SLC9A9: variants seen among roughly 807,000 people sequenced by gnomAD.
The protein encoded by SLC9A9 is sodium/hydrogen exchanger 9.
A neutral mutation model predicts 77.8 loss-of-function variants in SLC9A9; 62 were observed. The ratio of observed to expected loss-of-function variants is 0.80; its 90% CI spans 0.65 to 0.98. The LOEUF (loss-of-function observed/expected upper bound fraction) is 0.98, where lower values mean the gene tolerates loss of function less well. SLC9A9 is among the 50% of genes least tolerant of loss of function. The pLI is 0.00. For synonymous variants in SLC9A9, 320 were observed against 283.5 expected (o/e 1.13, Z -1.29); for missense variants, 775 against 774.9 (o/e 1.00, Z 0.00).
At chr3:143,389,166 G>T (rs2033495493) in intron 12 of SLC9A9, among the ~76,000 whole-genome samples, 1 of 152,110 alleles carries the variant, frequency 6.6e-6, no homozygotes, top group African/African-American at 2.4e-5. Flanking sequence ...TAGGCAGTAG[G>T]GGGTGAAATA....
chr3:143,828,412 T>C (rs1408461699), intron 2 of SLC9A9, among the ~76,000 whole-genome samples: 1 of 152,156 alleles, frequency 6.6e-6, no homozygotes, highest in Non-Finnish European at 1.5e-5. Context: ...GTAAAAAAGG[T>C]ATGGTCCCTG....
intron 2 of SLC9A9, among the ~76,000 whole-genome samples, chr3:143,826,006 C>A (rs1336005258): frequency 6.6e-6 from 1 of 152,178 alleles, no homozygotes; most frequent in Non-Finnish European, 1.5e-5. Context: ...CACCTATAAT[C>A]CCAGCATTTT....
chr3:143,266,995 AT>A (rs148013960), intron 15 of SLC9A9, 66 bp from the exon 16 acceptor site: 65,374 of 1,181,902 alleles, frequency 0.055, 214 homozygotes, highest in African/African-American at 0.12. Context: ...CAGTCCTACA[AT>A]TTTTTTTTTT....
chr3:143,772,675 C>T (rs1287042295), intron 4 of SLC9A9, among the ~76,000 whole-genome samples: 1 of 152,294 alleles, frequency 6.6e-6, no homozygotes, highest in Admixed American at 6.5e-5. Context: ...AGAGACATGA[C>T]AGCTATTGTG....
chr3:143,621,380 G>C (rs1029504451), intron 6 of SLC9A9, among the ~76,000 whole-genome samples: 6 of 152,330 alleles, frequency 3.9e-5, no homozygotes, highest in Admixed American at 1.3e-4. Context: ...GGGGCAGACT[G>C]ACACCTCACA....
chr3:143,584,749 C>A (rs1342986249), intron 6 of SLC9A9, among the ~76,000 whole-genome samples: 1 of 152,172 alleles, frequency 6.6e-6, no homozygotes, highest in African/African-American at 2.4e-5. Context: ...GTAAGTAGTT[C>A]CATTAATGAT....
intron 4 of SLC9A9, among the ~76,000 whole-genome samples, chr3:143,718,044 T>G (rs1934399107): frequency 6.6e-6 from 1 of 151,666 alleles, no homozygotes; most frequent in South Asian, 2.1e-4. Context: ...TTATAGAAAG[T>G]TCAAGCCACA....
chr3:143,468,687 C>T (rs2035325433), intron 11 of SLC9A9, among the ~76,000 whole-genome samples: 1 of 152,040 alleles, frequency 6.6e-6, no homozygotes, highest in Non-Finnish European at 1.5e-5. Context: ...GCTTATGGAC[C>T]ACTGAAAATT....
chr3:143,471,791 G>A (rs1407604802), intron 11 of SLC9A9, among the ~76,000 whole-genome samples: 1 of 152,104 alleles, frequency 6.6e-6, no homozygotes, highest in African/African-American at 2.4e-5. Flanking sequence ...TGGAAATTTA[G>A]CATCACCTTG....
intron 5 of SLC9A9, among the ~76,000 whole-genome samples, chr3:143,654,656 C>T (rs1344526383): frequency 1.3e-5 from 2 of 152,040 alleles, no homozygotes; most frequent in African/African-American, 4.8e-5. Context: ...TTTTTTTTAA[C>T]TAGAACATTC....
At chr3:143,532,713 G>C (rs150270633) in intron 9 of SLC9A9, among the ~76,000 whole-genome samples, 10 of 152,208 alleles carry the variant, frequency 6.6e-5, no homozygotes, top group Admixed American at 6.5e-4. Context: ...TGAGTAATGG[G>C]ATTTCTTCCA....
chr3:143,688,606 C>T (rs948374631), intron 5 of SLC9A9, among the ~76,000 whole-genome samples: 6 of 152,044 alleles, frequency 3.9e-5, no homozygotes, highest in Non-Finnish European at 2.9e-5. Context: ...TCCGCATTTC[C>T]CTTGGGCTGT....
chr3:143,324,859 A>G (rs1391904947), intron 14 of SLC9A9, among the ~76,000 whole-genome samples: 2 of 152,132 alleles, frequency 1.3e-5, no homozygotes, highest in Admixed American at 6.5e-5. Context: ...AATCTGCACT[A>G]AAACTCTCAT....
At chr3:143,664,033 T>C (rs984762691) in intron 5 of SLC9A9, among the ~76,000 whole-genome samples, 1 of 151,782 alleles carries the variant, frequency 6.6e-6, no homozygotes, top group African/African-American at 2.4e-5. Flanking sequence ...AATTGTCAGA[T>C]TCACCAAGGT....
intron 12 of SLC9A9, among the ~76,000 whole-genome samples, chr3:143,397,263 T>G (rs1290053017): frequency 6.6e-6 from 1 of 152,262 alleles, no homozygotes; most frequent in Non-Finnish European, 1.5e-5. Flanking sequence ...GTGCCCTGCC[T>G]GGGCAATTAG....
At chr3:143,569,024 G>A (rs114601848) in intron 8 of SLC9A9, among the ~76,000 whole-genome samples, 2,856 of 152,058 alleles carry the variant, frequency 0.019, 93 homozygotes, top group African/African-American at 0.066. Flanking sequence ...ACTGAGAGCC[G>A]TAAAATAAGA....
chr3:143,713,445 G>A (rs543033579), intron 4 of SLC9A9, among the ~76,000 whole-genome samples: 74 of 152,314 alleles, frequency 4.9e-4, no homozygotes, highest in African/African-American at 1.7e-3. Context: ...CTGGAGGGTG[G>A]TCATAAGGAA....
At chr3:143,751,759 C>T (rs1025863635) in intron 4 of SLC9A9, among the ~76,000 whole-genome samples, 3 of 152,144 alleles carry the variant, frequency 2.0e-5, no homozygotes, top group African/African-American at 7.2e-5. Flanking sequence ...TACTCAAGAT[C>T]GGGCAGACAT....
chr3:143,478,102 G>C (rs1447532088), intron 11 of SLC9A9, among the ~76,000 whole-genome samples: 1 of 152,228 alleles, frequency 6.6e-6, no homozygotes, highest in Non-Finnish European at 1.5e-5. Flanking sequence ...CTCTCCAGTG[G>C]AAACTTCCAT....
Sources: allele counts gnomAD v4.1 joint callset (sites outside exome capture counted in the v4.1 genomes callset), GRCh38; gene constraint gnomAD v4.1.1; transcripts MANE v1.5; gene names NCBI Gene and HGNC (gene_info 2026-07-23, HGNC 2026-07-21).